The following SEMA6D variants were observed in gnomAD, a reference collection of about 807,000 sequenced individuals.
SEMA6D encodes semaphorin 6D.
In SEMA6D, 35 loss-of-function variants were observed where a neutral mutation model predicts 106.6. That is an observed-to-expected ratio of 0.33 (90% confidence interval 0.25 to 0.44). The LOEUF (loss-of-function observed/expected upper bound fraction) is 0.44. SEMA6D is among the 20% of genes least tolerant of loss of function. The pLI, the probability that SEMA6D is intolerant of heterozygous loss-of-function variation, is 1.00. For synonymous variants in SEMA6D, 499 were observed against 487.7 expected (o/e 1.02, Z -0.31); for missense variants, 1,185 against 1,345.9 (o/e 0.88, Z 1.87).
intron 2 of SEMA6D, among the ~76,000 whole-genome samples, chr15:47,467,079 C>G (rs1184996277): frequency 6.6e-6 from 1 of 151,820 alleles, no homozygotes; most frequent in Non-Finnish European, 1.5e-5. Context: ...AATGGTTGTA[C>G]CAATTTAAAA....
At chr15:47,702,283 T>C (rs1449111856) in intron 4 of SEMA6D, among the ~76,000 whole-genome samples, 1 of 152,156 alleles carries the variant, frequency 6.6e-6, no homozygotes, top group East Asian at 1.9e-4. Flanking sequence ...CTCTACATCA[T>C]ATGTCATCAA....
chr15:47,193,547 T>C (rs1894113408), intron 1 of SEMA6D, among the ~76,000 whole-genome samples: 1 of 152,212 alleles, frequency 6.6e-6, no homozygotes, highest in Non-Finnish European at 1.5e-5. Context: ...TCTTCTCTGC[T>C]TAAAACCATC....
intron 2 of SEMA6D, among the ~76,000 whole-genome samples, chr15:47,461,331 C>A (rs1290566098): frequency 2.6e-5 from 4 of 152,014 alleles, no homozygotes; most frequent in Non-Finnish European, 4.4e-5. Context: ...TGTCTCCCCA[C>A]AGCCACTGCC....
At chr15:47,338,416 G>A (rs2037662383) in intron 1 of SEMA6D, among the ~76,000 whole-genome samples, 1 of 151,964 alleles carries the variant, frequency 6.6e-6, no homozygotes, top group Non-Finnish European at 1.5e-5. Flanking sequence ...TTGAGGGGAT[G>A]GATACTCCAT....
intron 11 of SEMA6D, 111 bp from the exon 12 acceptor site, chr15:47,764,527 T>A: frequency 6.8e-7 from 1 of 1,466,078 alleles, no homozygotes; most frequent in Non-Finnish European, 9.3e-7. Context: ...TTTCACTCAC[T>A]CTCCTTCCTC....
chr15:47,723,112 A>G (rs1038640613), intron 1 of SEMA6D, among the ~76,000 whole-genome samples: 1 of 152,180 alleles, frequency 6.6e-6, no homozygotes, highest in Non-Finnish European at 1.5e-5. Context: ...TTGCTTTTCA[A>G]TGAAAAAGTC....
intron 1 of SEMA6D, among the ~76,000 whole-genome samples, chr15:47,324,865 T>G (rs1291478586): frequency 6.6e-6 from 1 of 152,042 alleles, no homozygotes; most frequent in Admixed American, 6.6e-5. Flanking sequence ...TTATTTCACT[T>G]AGGACTATAT....
chr15:47,216,437 G>A (rs1041891265), intron 1 of SEMA6D, among the ~76,000 whole-genome samples: 1 of 152,092 alleles, frequency 6.6e-6, no homozygotes, highest in African/African-American at 2.4e-5. Flanking sequence ...CATTATACAT[G>A]TTACACATCC....
chr15:47,465,808 A>G (rs934413539), intron 2 of SEMA6D, among the ~76,000 whole-genome samples: 1 of 152,058 alleles, frequency 6.6e-6, no homozygotes, highest in Non-Finnish European at 1.5e-5. Flanking sequence ...ACCTCTTTTC[A>G]TTCTAAATTA....
intron 4 of SEMA6D, among the ~76,000 whole-genome samples, chr15:47,617,913 C>T (rs1211431945): frequency 3.3e-5 from 5 of 152,232 alleles, no homozygotes; most frequent in Non-Finnish European, 7.3e-5. Flanking sequence ...ACTGATATTT[C>T]ACTGGGCATC....
intron 4 of SEMA6D, among the ~76,000 whole-genome samples, chr15:47,627,409 A>G (rs1356249531): frequency 6.6e-6 from 1 of 152,148 alleles, no homozygotes; most frequent in Non-Finnish European, 1.5e-5. Context: ...AGTTTGGCCA[A>G]GGTTAAAATT....
At chr15:47,549,612 C>T (rs999547625) in intron 3 of SEMA6D, among the ~76,000 whole-genome samples, 1 of 151,868 alleles carries the variant, frequency 6.6e-6, no homozygotes, top group Non-Finnish European at 1.5e-5. Flanking sequence ...AATACAAACA[C>T]ATTTTCACCA....
intron 1 of SEMA6D, among the ~76,000 whole-genome samples, chr15:47,303,908 A>C (rs531607149): frequency 1.3e-5 from 2 of 152,262 alleles, no homozygotes; most frequent in Admixed American, 1.3e-4. Context: ...TCCTGATGAC[A>C]AAATAAGTTT....
intron 1 of SEMA6D, chr15:47,397,833 T>C (rs901535620): frequency 2.0e-5 from 3 of 152,236 alleles, no homozygotes; most frequent in Non-Finnish European, 4.4e-5. Context: ...AGTGGCTGTT[T>C]GCTTCACTGT....
At chr15:47,675,075 C>T (rs1428432184) in intron 4 of SEMA6D, among the ~76,000 whole-genome samples, 1 of 152,170 alleles carries the variant, frequency 6.6e-6, no homozygotes, top group African/African-American at 2.4e-5. Context: ...CAGGAGTGAC[C>T]TTGGTGTCAT....
chr15:47,622,079 A>G (rs1566941082), intron 4 of SEMA6D, among the ~76,000 whole-genome samples: 1 of 152,014 alleles, frequency 6.6e-6, no homozygotes, highest in African/African-American at 2.4e-5. Flanking sequence ...AAACTCACCT[A>G]GGACTCATCA....
chr15:47,467,602 G>A (rs1311035169), intron 2 of SEMA6D, among the ~76,000 whole-genome samples: 1 of 152,140 alleles, frequency 6.6e-6, no homozygotes, highest in African/African-American at 2.4e-5. Flanking sequence ...TGTTGAATTA[G>A]GGATAACTTT....
At chr15:47,308,456 C>T (rs1283582622) in intron 1 of SEMA6D, among the ~76,000 whole-genome samples, 1 of 152,160 alleles carries the variant, frequency 6.6e-6, no homozygotes, top group African/African-American at 2.4e-5. Context: ...AAGTATTATA[C>T]TTTACCTATA....
chr15:47,415,085 G>A (rs1017291524), intron 2 of SEMA6D, among the ~76,000 whole-genome samples: 1 of 152,086 alleles, frequency 6.6e-6, no homozygotes, highest in Non-Finnish European at 1.5e-5. Context: ...CTTATTAATA[G>A]CACTTGTCTG....
Sources: gnomAD v4.1 joint callset for allele counts (sites outside exome capture counted in the v4.1 genomes callset) on GRCh38, gnomAD v4.1.1 for gene constraint, MANE v1.5 for transcripts, NCBI Gene and HGNC (gene_info 2026-07-23, HGNC 2026-07-21) for gene names.